ARFGAP3: variants seen among roughly 807,000 people sequenced by gnomAD.
The protein encoded by ARFGAP3 is ADP-ribosylation factor GTPase-activating protein 3.
A neutral mutation model predicts 75.0 loss-of-function variants in ARFGAP3; 72 were observed. That is an observed-to-expected ratio of 0.96 (90% CI 0.79 to 1.17). The LOEUF (loss-of-function observed/expected upper bound fraction) is 1.17, where lower values mean the gene tolerates loss of function less well. Ranked by LOEUF, ARFGAP3 falls within the 50% of genes most tolerant of loss-of-function variation. The pLI is 0.00. For missense variants in ARFGAP3, 620 were observed against 626.6 expected, an observed-to-expected ratio of 0.99 and a Z score of 0.11; for synonymous variants, 221 against 217.9, an observed-to-expected ratio of 1.01 and a Z score of -0.13.
At chr22:42,843,090 C>T (rs376354380) in intron 2 of ARFGAP3, among the ~76,000 whole-genome samples, 29 of 152,024 alleles carry the variant, frequency 1.9e-4, no homozygotes, top group African/African-American at 7.0e-4. Context: ...CCCCCGACCC[C>T]CCAACCACAT....
rs765165107 is a variant in ARFGAP3, at chr22:42,834,327, T to TA, written c.394-3dup. 8 of 1,612,990 alleles carry TA rather than the reference T, an allele frequency of 5.0e-6. No individual in the cohort carries two copies. Among genetic ancestry groups the TA allele is most frequent in the Non-Finnish European group, 6.8e-6 (8 of 1,179,714 alleles). Reference sequence around the variant, plus strand: ...AACCACACAACTATCAAGCCACAGCTAGAACAAAAAAACAACACAGGGCTG... The same window carrying TA: ...AACCACACAACTATCAAGCCACAGCTAAGAACAAAAAAACAACACAGGGCTG... On this transcript the variant is annotated splice_polypyrimidine_tract_variant and splice_region_variant and intron_variant, in intron 4 of 15. Transcript: ENST00000263245.
intron 14 of ARFGAP3, among the ~76,000 whole-genome samples, chr22:42,801,028 A>G (rs5758951): frequency 0.39 from 59,740 of 152,112 alleles, 12,355 homozygotes; most frequent in Non-Finnish European, 0.45. Context: ...AACTGATAAC[A>G]TCACTAAAGT....
intron 12 of ARFGAP3, among the ~76,000 whole-genome samples, chr22:42,810,159 T>G (rs1386807094): frequency 6.6e-6 from 1 of 151,684 alleles, no homozygotes; most frequent in African/African-American, 2.4e-5. Context: ...ACTTCCTATT[T>G]AGAATCAGTA....
rs1377831706 is a variant in ARFGAP3, at chr22:42,857,225, A to G, written c.-43T>C. 1 of 1,494,812 alleles carries G rather than the reference A, an allele frequency of 6.7e-7. No homozygotes were observed. The highest frequency in any genetic ancestry group is 1.3e-5 in the South Asian group (1 of 79,672). 92.6% of individuals were successfully genotyped at this position (1,494,812 alleles called of 1,614,324 possible). A position where few individuals can be genotyped will look rare whatever the true frequency, so the allele number is the denominator to read the frequency against. On this transcript the variant is annotated 5_prime_UTR_variant, in exon 1 of 16. Coordinates refer to ENST00000263245, the MANE Select transcript of ARFGAP3 (RefSeq NM_014570.5). ...GGCGCAGCTGGCCCAGCCAACCGGT[A>G]AGAGTCGACGAAAAGCGGCTACCGC... is the stretch of plus-strand genomic sequence containing the variant.
chr22:42,846,814 A>T (rs886135884), intron 2 of ARFGAP3, among the ~76,000 whole-genome samples: 2 of 152,228 alleles, frequency 1.3e-5, no homozygotes, highest in African/African-American at 4.8e-5. Flanking sequence ...TGTACTGCCG[A>T]ATTATTAGAA....
intron 9 of ARFGAP3, among the ~76,000 whole-genome samples, chr22:42,820,788 T>C (rs1413043678): frequency 1.3e-5 from 2 of 152,156 alleles, no homozygotes; most frequent in African/African-American, 2.4e-5. Flanking sequence ...CAGAAGGCCA[T>C]CTTTCTCTTC....
intron 14 of ARFGAP3, among the ~76,000 whole-genome samples, chr22:42,800,402 A>C (rs1924803207): frequency 1.3e-5 from 2 of 152,128 alleles, no homozygotes; most frequent in African/African-American, 4.8e-5. Flanking sequence ...ATGGTGGCAC[A>C]CACCTGTAAC....
In ARFGAP3 at chr22:42,796,784, T is replaced by C. The variant is rs1251063402; in HGVS notation, c.*804A>G. ...CAAAACTACCCAATTACAATGACTG[T>C]TCTCCCATACACGCAACTATTTTCT... On this transcript the variant is annotated 3_prime_UTR_variant, in exon 16 of 16. Coordinates refer to ENST00000263245, the MANE Select transcript of ARFGAP3 (RefSeq NM_014570.5). 1.3e-5 allele frequency: 2 copies of C among 152,248 alleles called. No individual in the cohort carries two copies. Among genetic ancestry groups the C allele is most frequent in the African/African-American group, 4.8e-5 (2 of 41,470 alleles). The allele number at this position is 152,248 out of a possible 1,614,324, so 9.4% of individuals were successfully genotyped here. A position where few individuals can be genotyped will look rare whatever the true frequency, so the allele number is the denominator to read the frequency against.
intron 7 of ARFGAP3, among the ~76,000 whole-genome samples, chr22:42,824,031 C>CTTT (rs71186543): frequency 6.3e-4 from 91 of 143,574 alleles, no homozygotes; most frequent in Middle Eastern, 7.2e-3. Flanking sequence ...ATTACAACAA[C>CTTT]TTTTTTTTTT....
intron 9 of ARFGAP3, among the ~76,000 whole-genome samples, chr22:42,820,771 C>T (rs769460782): frequency 2.6e-5 from 4 of 152,158 alleles, no homozygotes; most frequent in Non-Finnish European, 2.9e-5. Flanking sequence ...GGTACAGTCA[C>T]GGTTTCCAGA....
chr22:42,851,940 G>A lies in ARFGAP3; in HGVS notation c.70-4308C>T, dbSNP rs190559987. Among the ~76,000 whole-genome samples the A allele has an allele frequency of 2.6e-5, 4 of 152,284 alleles. No homozygotes were observed. The East Asian group carries it at 7.7e-4, about 29-fold the overall frequency. On this transcript the variant is annotated intron_variant, in intron 1 of 15. Coordinates refer to ENST00000263245, the MANE Select transcript of ARFGAP3 (RefSeq NM_014570.5). ...TTCATTAGTAGGGTACTAGTAGAAG[G>A]TACTATGATCATCCCCATCAGGGCC...
At chr22:42,844,015 G>GA (rs971619042) in intron 2 of ARFGAP3, among the ~76,000 whole-genome samples, 12 of 151,852 alleles carry the variant, frequency 7.9e-5, no homozygotes, top group Non-Finnish European at 1.3e-4. Context: ...TCTAGTTAAA[G>GA]AAAAAAAACT....
chr22:42,803,757 G>C (rs566788819), intron 14 of ARFGAP3, among the ~76,000 whole-genome samples: 1 of 152,184 alleles, frequency 6.6e-6, no homozygotes, highest in Non-Finnish European at 1.5e-5. Context: ...GAGAGTGCCC[G>C]TAAGAACGGC....
chr22:42,849,923 T>C (rs149970391), intron 1 of ARFGAP3, among the ~76,000 whole-genome samples: 84 of 152,236 alleles, frequency 5.5e-4, no homozygotes, highest in Admixed American at 2.1e-3. Flanking sequence ...GCACAATAAG[T>C]GTTTGCTGAA....
intron 14 of ARFGAP3, 119 bp downstream of exon 14, chr22:42,806,954 G>A: frequency 9.7e-7 from 1 of 1,029,378 alleles, no homozygotes. Context: ...TTATAGCAGA[G>A]ATCAGAGCAT....
chr22:42,820,223 A>C (rs1320740219), intron 9 of ARFGAP3, among the ~76,000 whole-genome samples: 1 of 152,228 alleles, frequency 6.6e-6, no homozygotes, highest in Admixed American at 6.5e-5. Flanking sequence ...GAAGCCATCG[A>C]AACACTCAAA....
intron 14 of ARFGAP3, among the ~76,000 whole-genome samples, chr22:42,801,953 A>C (rs1487857951): frequency 6.6e-6 from 1 of 152,162 alleles, no homozygotes; most frequent in Non-Finnish European, 1.5e-5. Context: ...CAGGCTCAAC[A>C]CAGCTGGAGT....
chr22:42,823,629 T>G, intron 8 of ARFGAP3, 27 bp downstream of exon 8: 1 of 1,474,168 alleles, frequency 6.8e-7, no homozygotes, highest in Non-Finnish European at 9.2e-7. Flanking sequence ...CTACCAGATT[T>G]TTATATATAA....
chr22:42,810,206 A>G, intron 12 of ARFGAP3, among the ~76,000 whole-genome samples: 1 of 151,442 alleles, frequency 6.6e-6, no homozygotes, highest in Non-Finnish European at 1.5e-5. Flanking sequence ...GGTGGCTCAC[A>G]CCTGTAATCC....
Sources: allele counts gnomAD v4.1 joint callset (sites outside exome capture counted in the v4.1 genomes callset), GRCh38; gene constraint gnomAD v4.1.1; transcripts MANE v1.5; gene names NCBI Gene and HGNC (gene_info 2026-07-23, HGNC 2026-07-21).